The following PKN2 variants were observed in gnomAD, a reference collection of about 807,000 sequenced individuals.
PKN2 encodes protein kinase N2, also known as serine/threonine-protein kinase N2.
In PKN2, 38 loss-of-function variants were observed where a neutral mutation model predicts 119.1. The observed-to-expected ratio is 0.32, with a 90% CI of 0.25 to 0.42. PKN2 has a LOEUF of 0.42. Among genes scored for constraint, PKN2 ranks in the 10% least tolerant of loss-of-function variants. PKN2 has a pLI of 1.00. For synonymous variants in PKN2, 390 were observed against 384.9 expected, an observed-to-expected ratio of 1.01 and a Z score of -0.15; for missense variants, 850 against 1,165.1, an observed-to-expected ratio of 0.73 and a Z score of 3.94.
chr1:88,817,898 A>T (rs912891005), intron 16 of PKN2, among the ~76,000 whole-genome samples: 1 of 152,158 alleles, frequency 6.6e-6, no homozygotes, highest in Admixed American at 6.5e-5. Context: ...GAAAGAAAGA[A>T]AGTTTATTAA....
intron 18 of PKN2, among the ~76,000 whole-genome samples, chr1:88,827,008 C>T (rs1447993442): frequency 6.6e-6 from 1 of 151,968 alleles, no homozygotes; most frequent in African/African-American, 2.4e-5. Flanking sequence ...GCTAATGTAT[C>T]TAATTGTGCC....
chr1:88,696,667 G>T (rs1666554281), intron 1 of PKN2, among the ~76,000 whole-genome samples: 1 of 152,122 alleles, frequency 6.6e-6, no homozygotes, highest in South Asian at 2.1e-4. Context: ...GGCAGTGGAG[G>T]GATGAGATTC....
At chr1:88,795,233 C>G (rs936099237) in intron 8 of PKN2, among the ~76,000 whole-genome samples, 1 of 152,074 alleles carries the variant, frequency 6.6e-6, no homozygotes, top group East Asian at 1.9e-4. Context: ...TCTCTCTTTC[C>G]TGTTTACAGT....
At chr1:88,732,007 T>A (rs1450679957) in intron 1 of PKN2, among the ~76,000 whole-genome samples, 3 of 152,232 alleles carry the variant, frequency 2.0e-5, no homozygotes, top group Non-Finnish European at 1.5e-5. Context: ...AAATACATAT[T>A]ATCACATTTG....
intron 2 of PKN2, among the ~76,000 whole-genome samples, 159 bp downstream of exon 2, chr1:88,741,447 G>A (rs1668577032): frequency 6.6e-6 from 1 of 152,024 alleles, no homozygotes; most frequent in Non-Finnish European, 1.5e-5. Flanking sequence ...ATTCTGTTTA[G>A]AAGGGCAGGA....
chr1:88,706,559 T>C (rs907311378), intron 1 of PKN2, among the ~76,000 whole-genome samples: 4 of 152,132 alleles, frequency 2.6e-5, no homozygotes, highest in Non-Finnish European at 4.4e-5. Flanking sequence ...TTCCTGATAT[T>C]AGGGAGAAAG....
intron 16 of PKN2, among the ~76,000 whole-genome samples, chr1:88,821,158 C>T (rs1557635742): frequency 6.6e-6 from 1 of 152,148 alleles, no homozygotes; most frequent in Non-Finnish European, 1.5e-5. Flanking sequence ...TTGAAAGTTA[C>T]CTTTAGTTCT....
chr1:88,820,343 T>A (rs1427211459), intron 16 of PKN2, among the ~76,000 whole-genome samples: 1 of 149,780 alleles, frequency 6.7e-6, no homozygotes, highest in Non-Finnish European at 1.5e-5. Context: ...GAGACCAGCC[T>A]GACCACATGG....
chr1:88,723,524 C>T (rs1332328347), intron 1 of PKN2, among the ~76,000 whole-genome samples: 2 of 151,286 alleles, frequency 1.3e-5, no homozygotes, highest in Non-Finnish European at 1.5e-5. Flanking sequence ...CAGGTTCAAG[C>T]AATTCTTGTG....
intron 19 of PKN2, chr1:88,829,360 C>G: frequency 2.1e-6 from 1 of 482,650 alleles, no homozygotes; most frequent in Non-Finnish European, 4.0e-6. Flanking sequence ...TCCTGAATTC[C>G]CAGTTGCACC....
Position 88,833,307 on chromosome 1 carries a change from A to T in PKN2, c.2814A>T (p.Arg938Ser), listed in dbSNP as rs1206823557. 4.3e-6 allele frequency: 7 copies of T among 1,613,468 alleles called. No individual in the cohort carries two copies. In the East Asian group the frequency reaches 1.6e-4, roughly 36 times the overall value. Residue 938 changes from arginine to serine, a missense_variant, in exon 22 of 22, where the codon AGA (arginine) becomes AGT (serine). By Grantham distance (110) the Arg-to-Ser change is moderately radical. Around this residue, in one of 9 missense-constraint regions of PKN2, gnomAD observed 95 missense variants for 150.2 expected, o/e 0.63. Transcript: ENST00000370521. ...KVKPPFIPTI[R>S]GREDVSNFDD... ...AGCCACCATTTATACCTACCATAAG[A>T]GGACGAGAAGATGTTAGTAATTTTG...
intron 3 of PKN2, among the ~76,000 whole-genome samples, chr1:88,761,796 G>C (rs1230178941): frequency 6.6e-6 from 1 of 152,008 alleles, no homozygotes; most frequent in Non-Finnish European, 1.5e-5. Context: ...TATTTGATAG[G>C]ATATTATTTC....
intron 1 of PKN2, among the ~76,000 whole-genome samples, chr1:88,712,841 A>G (rs907158334): frequency 1.3e-5 from 2 of 152,160 alleles, no homozygotes; most frequent in Non-Finnish European, 2.9e-5. Context: ...TTTGTTACAT[A>G]TGTATACATG....
chr1:88,807,197 C>A, intron 12 of PKN2, 116 bp from the exon 13 acceptor site: 1 of 825,112 alleles, frequency 1.2e-6, no homozygotes, highest in Non-Finnish European at 1.8e-6. Flanking sequence ...CTGAATTTTA[C>A]TTTTCACTCC....
intron 12 of PKN2, among the ~76,000 whole-genome samples, chr1:88,806,970 G>A (rs775924715): frequency 6.6e-6 from 1 of 151,766 alleles, no homozygotes; most frequent in Non-Finnish European, 1.5e-5. Context: ...CGCCCGCCTC[G>A]GCCTACCAAA....
intron 6 of PKN2, among the ~76,000 whole-genome samples, chr1:88,783,055 G>A (rs533825996): frequency 6.6e-6 from 1 of 152,284 alleles, no homozygotes; most frequent in East Asian, 1.9e-4. Context: ...ATTTTCTTCA[G>A]TGCCTCATGA....
At chr1:88,725,328 T>G (rs941169106) in intron 1 of PKN2, among the ~76,000 whole-genome samples, 1 of 152,212 alleles carries the variant, frequency 6.6e-6, no homozygotes, top group Non-Finnish European at 1.5e-5. Flanking sequence ...AATGCCAAAC[T>G]GTTTTTCAGA....
chr1:88,787,613 A>G (rs1670634219), intron 8 of PKN2, among the ~76,000 whole-genome samples: 1 of 152,228 alleles, frequency 6.6e-6, no homozygotes, highest in Admixed American at 6.5e-5. Flanking sequence ...TGGAAGAGAT[A>G]ATATGGTTTT....
At chr1:88,814,364 G>A (rs1298034106) in intron 16 of PKN2, among the ~76,000 whole-genome samples, 1 of 152,128 alleles carries the variant, frequency 6.6e-6, no homozygotes, top group Non-Finnish European at 1.5e-5. Flanking sequence ...ATGCATGTGT[G>A]TATATTTTCC....
Sources: allele counts gnomAD v4.1 joint callset (sites outside exome capture counted in the v4.1 genomes callset), GRCh38; gene constraint gnomAD v4.1.1; regional missense constraint gnomAD v4.1.1; transcripts MANE v1.5; gene names NCBI Gene and HGNC (gene_info 2026-07-23, HGNC 2026-07-21).